TEP1: variants seen among roughly 807,000 people sequenced by gnomAD.
TEP1 encodes the protein telomerase protein component 1.
TEP1 carries 241 observed loss-of-function variants against 306.3 expected under a neutral mutation model. The observed-to-expected ratio is 0.79, with a 90% confidence interval of 0.71 to 0.88. The LOEUF is 0.88. Among genes scored for constraint, TEP1 ranks in the 40% least tolerant of loss-of-function variants. The pLI, the probability that TEP1 is intolerant of heterozygous loss-of-function variation, is 0.00. For synonymous variants in TEP1, 1,289 were observed against 1,305.5 expected (o/e 0.99, Z 0.27); for missense variants, 3,051 against 3,276.1 (o/e 0.93, Z 1.68).
At chr14:20,410,278 TGTGGTGAC>T (rs1879548285) in intron 1 of TEP1, among the ~76,000 whole-genome samples, 1 of 152,192 alleles carries the variant, frequency 6.6e-6, no homozygotes, top group South Asian at 2.1e-4. Flanking sequence ...CTCTAATCCA[TGTGGTGAC>T]ATACTGTATA....
chr14:20,403,568 C>T, intron 6 of TEP1, 120 bp from the exon 7 acceptor site: 1 of 1,590,084 alleles, frequency 6.3e-7, no homozygotes, highest in Non-Finnish European at 8.5e-7. Context: ...AAGAAGACTG[C>T]CCTGCACCAT....
At position 20,382,685 on chromosome 14, in the gene TEP1, C is replaced by T. The variant is rs1566454965; in HGVS notation, c.4078G>A (p.Gly1360Ser). Reference protein sequence around the residue: ...MRLLLVKRESGRPLYLRLVTD... With the variant: ...MRLLLVKRESSRPLYLRLVTD... Reference sequence around the variant, plus strand: ...ACCAAGCGCAGGTAGAGCGGCCGGCCTGATTCCCGCTTCACCAGCAGCAGT... The same window carrying T: ...ACCAAGCGCAGGTAGAGCGGCCGGCTTGATTCCCGCTTCACCAGCAGCAGT... Residue 1360 changes from glycine to serine, a missense_variant, in exon 28 of 55, where the codon GGC becomes AGC. Transcript: ENST00000262715. 6.2e-7 allele frequency: 1 copy of T among 1,614,068 alleles called. No homozygotes were observed. Among genetic ancestry groups the T allele is most frequent in the East Asian group, 2.2e-5 (1 of 44,878 alleles).
Position 20,368,872 on chromosome 14 carries a change from C to A in TEP1, c.7687G>T (p.Val2563Leu), listed in dbSNP as rs746289308. The change falls in exon 54 of 55, where the codon GTG becomes TTG. Residue 2563 changes from valine to leucine, a missense_variant. Around this residue, in one of 3 missense-constraint regions of TEP1, gnomAD observed 1,540 missense variants for 1,705.9 expected, o/e 0.90. Transcript: ENST00000262715. ...GCTGTCACCAGCAACTCAGGTAGCA[C>A]ATGGAGGGCTGTGACAGAGCCCGAG... Reference protein sequence around the residue: ...IHSGSVTALHVLPELLVTASK... With the variant: ...IHSGSVTALHLLPELLVTASK... 19 of 1,614,044 alleles carry A rather than the reference C, an allele frequency of 1.2e-5. No individual in the cohort carries two copies. The highest frequency in any genetic ancestry group is 1.5e-5 in the Non-Finnish European group (18 of 1,180,008).
At chr14:20,369,009 TC>T in intron 53 of TEP1, 107 bp from the exon 54 acceptor site, 2 of 798,230 alleles carry the variant, frequency 2.5e-6, no homozygotes, top group Non-Finnish European at 4.0e-6. Flanking sequence ...CCTTAGTATT[TC>T]TTTTTTTTTT....
At position 20,366,026 on chromosome 14, in the gene TEP1, T is replaced by C. The variant is rs887458911; in HGVS notation, c.*2411A>G. 1 of 152,256 alleles carries C rather than the reference T, an allele frequency of 6.6e-6. No homozygotes were observed. Among genetic ancestry groups the C allele is most frequent in the Admixed American group, 6.5e-5 (1 of 15,282 alleles). 9.4% of individuals were successfully genotyped at this position (152,256 alleles called of 1,614,324 possible). On this transcript the variant is annotated 3_prime_UTR_variant, in exon 55 of 55. Coordinates refer to ENST00000262715, the MANE Select transcript of TEP1 (RefSeq NM_007110.5). ...AGATAAGAACTTGAAGGATGTTTAA[T>C]GTAAACCTAAATTGATTTTCCCTTC...
Position 20,375,884 on chromosome 14 carries a change from G to A in TEP1, c.6250-16C>T. On this transcript the variant is annotated splice_polypyrimidine_tract_variant and intron_variant, in intron 42 of 54. Coordinates refer to ENST00000262715, the MANE Select transcript of TEP1 (RefSeq NM_007110.5). Reference sequence around the variant, plus strand: ...AGAGGAGACTCTGGATAGGCCCCAAGGAGAGGGAGCAATCAGGACCAAAGG... The same window carrying A: ...AGAGGAGACTCTGGATAGGCCCCAAAGAGAGGGAGCAATCAGGACCAAAGG... 6.3e-7 allele frequency: 1 copy of A among 1,592,222 alleles called. No individual in the cohort carries two copies. Among genetic ancestry groups the A allele is most frequent in the Non-Finnish European group, 8.6e-7 (1 of 1,160,790 alleles).
chr14:20,396,020 T>C (rs1275259387), intron 10 of TEP1, 71 bp from the exon 11 acceptor site: 2 of 1,166,848 alleles, frequency 1.7e-6, no homozygotes, highest in Non-Finnish European at 2.5e-6. Context: ...GGGTCCACTC[T>C]ATTAGCTTTG....
Position 20,395,514 on chromosome 14 carries a change from C to A in TEP1, c.1864G>T (p.Ala622Ser), listed in dbSNP as rs1437323579. The A allele has an allele frequency of 6.2e-6, 10 of 1,613,788 alleles. No homozygotes were observed. The highest frequency in any genetic ancestry group is 8.5e-7 in the Non-Finnish European group (1 of 1,179,800). The change falls in exon 12 of 55, where the codon GCA becomes TCA. Residue 622 changes from alanine (A) to serine (S), a missense_variant. Ala to Ser is a moderately conservative substitution (Grantham distance 99). Coordinates refer to ENST00000262715, the MANE Select transcript of TEP1 (RefSeq NM_007110.5). ...CHLSRQQLRM[A>S]MRIPVLYEQL... The stretch of plus-strand genomic sequence containing the variant: ...TCATACAACACAGGTATCCTCATTG[C>A]CATCCGAAGCTGCTGACGGCTTAGG...
At position 20,382,276 on chromosome 14, in the gene TEP1, G is replaced by A. The variant is rs368830105; in HGVS notation, c.4221C>T (p.His1407=). 178 of 1,614,122 alleles carry A rather than the reference G, an allele frequency of 1.1e-4. No homozygotes were observed. Among genetic ancestry groups the A allele is most frequent in the South Asian group, 8.5e-4 (77 of 91,082 alleles). Residue 1407 remains histidine (H), a synonymous_variant, in exon 29 of 55, where the codon CAC becomes CAT. Transcript: ENST00000262715. ...AGGCCTGGGGAAGGACATCAGGCCC[G>A]TGCTCCTTCTCCAGTGTGCTCAGGA... ...QHILSTLEKE[H]GPDVLPQALT...
intron 51 of TEP1, among the ~76,000 whole-genome samples, chr14:20,370,275 G>A (rs529915473): frequency 6.6e-6 from 1 of 152,306 alleles, no homozygotes; most frequent in Non-Finnish European, 1.5e-5. Context: ...CACCCATGCA[G>A]TCACCCGACA....
chr14:20,378,729 G>A, intron 37 of TEP1, 25 bp downstream of exon 37: 1 of 1,610,720 alleles, frequency 6.2e-7, no homozygotes, highest in South Asian at 1.1e-5. Flanking sequence ...GGGCCACTCT[G>A]ACCACTGCAG....
chr14:20,388,022 A>G lies in TEP1; in HGVS notation c.2567T>C (p.Val856Ala). The change falls in exon 18 of 55, where the codon GTG becomes GCG. Residue 856 changes from valine (V) to alanine (A), a missense_variant. This residue lies in a region of TEP1 where 1,507 missense variants were observed against 1,550.5 expected (regional missense o/e 0.97). Transcript: ENST00000262715. ...EHGASHLLEH[V>A]GQMDKIFKIP... ...CTTGAATATTTTGTCCATTTGGCCC[A>G]CATGTTCCAGAAGATGGGAGGCCCC... 1 of 1,614,150 alleles carries G rather than the reference A, an allele frequency of 6.2e-7. No individual in the cohort carries two copies. Among genetic ancestry groups the G allele is most frequent in the Non-Finnish European group, 8.5e-7 (1 of 1,180,026 alleles).
chr14:20,390,548 T>C (rs1353719880), intron 15 of TEP1, 133 bp downstream of exon 15: 5 of 802,320 alleles, frequency 6.2e-6, no homozygotes, highest in African/African-American at 5.2e-5. Flanking sequence ...GGGTAGGGGG[T>C]TGTAGCCAGT....
At position 20,378,154 on chromosome 14, in the gene TEP1, C is replaced by T. The variant is rs1249873294; in HGVS notation, c.5591G>A (p.Ser1864Asn). ...TCGCCAGGCCCACAGCTCCACCATA[C>T]TGTCCAGCCGGCCCACAGCCACAAC... is the stretch of plus-strand genomic sequence containing the variant. ...GGVVAVGRLDSMVELWAWREG... is the reference protein window; with the variant it reads ...GGVVAVGRLDNMVELWAWREG... Residue 1864 changes from serine (S) to asparagine (N), a missense_variant, in exon 39 of 55, where the codon AGT becomes AAT. Ser to Asn is a conservative substitution (Grantham distance 46). Around this residue, in one of 3 missense-constraint regions of TEP1, gnomAD observed 1,540 missense variants for 1,705.9 expected, o/e 0.90. Transcript: ENST00000262715. 1 of 1,613,940 alleles carries T rather than the reference C, an allele frequency of 6.2e-7. No homozygotes were observed.
chr14:20,368,947 C>A (rs757735496), intron 53 of TEP1, 45 bp from the exon 54 acceptor site: 3 of 1,427,924 alleles, frequency 2.1e-6, no homozygotes, highest in Non-Finnish European at 2.9e-6. Context: ...TCTCAGGGGC[C>A]CCTCCTCAGA....
chr14:20,388,219 T>C (rs1368654691), intron 17 of TEP1, among the ~76,000 whole-genome samples, 156 bp from the exon 18 acceptor site: 1 of 152,108 alleles, frequency 6.6e-6, no homozygotes, highest in Non-Finnish European at 1.5e-5. Flanking sequence ...TATGCAGACT[T>C]AAAATAAATG....
chr14:20,372,609 TGTCCCA>T (rs1884914395), intron 49 of TEP1, 118 bp downstream of exon 49: 2 of 1,422,418 alleles, frequency 1.4e-6, no homozygotes, highest in Non-Finnish European at 2.0e-6. Flanking sequence ...CAGAAAATAA[TGTCCCA>T]CTCAGTAACT....
intron 9 of TEP1, among the ~76,000 whole-genome samples, chr14:20,400,417 T>C (rs751268859): frequency 6.7e-6 from 1 of 148,320 alleles, no homozygotes; most frequent in Non-Finnish European, 1.5e-5. Flanking sequence ...AAAGACCTTG[T>C]CTCTAAAATT....
chr14:20,396,198 G>A (rs546311500), intron 10 of TEP1, among the ~76,000 whole-genome samples: 2 of 152,336 alleles, frequency 1.3e-5, no homozygotes, highest in South Asian at 2.1e-4. Flanking sequence ...GCAGGGTGTG[G>A]TAGCTCACGC....
Sources: allele counts gnomAD v4.1 joint callset (sites outside exome capture counted in the v4.1 genomes callset), GRCh38; gene constraint gnomAD v4.1.1; regional missense constraint gnomAD v4.1.1; transcripts MANE v1.5; gene names NCBI Gene and HGNC (gene_info 2026-07-23, HGNC 2026-07-21).